Variants in GRXCR1 observed in about 807,000 individuals in gnomAD.
The protein encoded by GRXCR1 is glutaredoxin and cysteine rich domain containing 1.
A neutral mutation model predicts 27.3 loss-of-function variants in GRXCR1; 27 were observed. The observed-to-expected ratio is 0.99, with a 90% CI of 0.73 to 1.37. The LOEUF is 1.37. Ranked by LOEUF, GRXCR1 falls within the 40% of genes most tolerant of loss-of-function variation. The pLI is 0.00. For missense variants in GRXCR1, 379 were observed against 354.4 expected, an observed-to-expected ratio of 1.07 and a Z score of -0.56; for synonymous variants, 122 against 131.1, an observed-to-expected ratio of 0.93 and a Z score of 0.47.
At chr4:42,981,706 T>A (rs536007408) in intron 2 of GRXCR1, among the ~76,000 whole-genome samples, 92 of 152,172 alleles carry the variant, frequency 6.0e-4, no homozygotes, top group Non-Finnish European at 1.0e-3. Context: ...ATAGTATTCT[T>A]GGTTGACAGT....
At chr4:42,978,869 G>A (rs757750910) in intron 2 of GRXCR1, among the ~76,000 whole-genome samples, 2 of 151,974 alleles carry the variant, frequency 1.3e-5, no homozygotes, top group Non-Finnish European at 1.5e-5. Context: ...TTAATCATGG[G>A]GGCAGTTTCC....
intron 2 of GRXCR1, among the ~76,000 whole-genome samples, chr4:42,995,402 A>G (rs1712120809): frequency 6.6e-6 from 1 of 152,216 alleles, no homozygotes. Context: ...GCATTTGTAG[A>G]AATGATCCAT....
intron 2 of GRXCR1, among the ~76,000 whole-genome samples, chr4:42,966,277 G>A (rs1389056701): frequency 6.6e-6 from 1 of 151,998 alleles, no homozygotes; most frequent in Admixed American, 6.6e-5. Flanking sequence ...GACCAATCAT[G>A]AGCCTCCACA....
Position 42,899,640 on chromosome 4 carries a change from T to A in GRXCR1, c.384+5990T>A, listed in dbSNP as rs565329386. On this transcript the variant is annotated intron_variant, in intron 1 of 3. Transcript: ENST00000399770. ...CTCAAGGACAATAACTGAAGGCTCA[T>A]CTGTATAATGACTTTTATCTTGATC... Among the ~76,000 whole-genome samples, 35 of 152,292 alleles carry A rather than the reference T, an allele frequency of 2.3e-4. 1 individual carries two copies. In the South Asian group the frequency reaches 6.6e-3, roughly 29 times the overall value.
intron 1 of GRXCR1, among the ~76,000 whole-genome samples, chr4:42,912,507 T>G (rs1436680018): frequency 6.6e-6 from 1 of 152,182 alleles, no homozygotes; most frequent in Non-Finnish European, 1.5e-5. Flanking sequence ...GCACAGCTCA[T>G]GTGTACAGGA....
intron 2 of GRXCR1, among the ~76,000 whole-genome samples, chr4:43,003,038 CT>C (rs1352740992): frequency 4.6e-5 from 7 of 152,196 alleles, no homozygotes; most frequent in African/African-American, 1.4e-4. Context: ...AGCCCTTCCC[CT>C]GTCTCTCCTG....
chr4:42,947,965 G>A (rs577032570), intron 1 of GRXCR1, among the ~76,000 whole-genome samples: 1 of 152,192 alleles, frequency 6.6e-6, no homozygotes, highest in Admixed American at 6.5e-5. Context: ...CACAATTTAG[G>A]TGCTTTAATT....
chr4:43,020,970 C>G (rs758301836), intron 3 of GRXCR1, among the ~76,000 whole-genome samples: 2 of 152,122 alleles, frequency 1.3e-5, no homozygotes, highest in Non-Finnish European at 2.9e-5. Context: ...TTGTTTCTCC[C>G]TATTTGTAAG....
chr4:42,910,380 C>T (rs746241079), intron 1 of GRXCR1, among the ~76,000 whole-genome samples: 1 of 152,094 alleles, frequency 6.6e-6, no homozygotes, highest in Non-Finnish European at 1.5e-5. Context: ...TTTAGAATGA[C>T]TTTCAGAATC....
intron 2 of GRXCR1, among the ~76,000 whole-genome samples, chr4:42,999,464 G>T (rs1249825437): frequency 2.0e-5 from 3 of 152,166 alleles, no homozygotes; most frequent in Non-Finnish European, 2.9e-5. Context: ...TGCACATACT[G>T]TCACCTCATC....
rs573032486 is a variant in GRXCR1, at chr4:42,930,673, T to G, written c.385-32219T>G. 3.3e-5 allele frequency among the ~76,000 whole-genome samples: 5 copies of G among 152,130 alleles called. No homozygotes were observed. In the South Asian group the frequency reaches 1.0e-3, roughly 32 times the overall value. ...GTCATCAAGGTCTGGGTTAAAGTTT[T>G]AGTTCCTCTGTCTATTAGCCAACCA... On this transcript the variant is annotated intron_variant, in intron 1 of 3. Coordinates refer to ENST00000399770, the MANE Select transcript of GRXCR1 (RefSeq NM_001080476.3).
At chr4:42,957,024 C>T (rs1748020539) in intron 1 of GRXCR1, among the ~76,000 whole-genome samples, 1 of 152,044 alleles carries the variant, frequency 6.6e-6, no homozygotes, top group African/African-American at 2.4e-5. Context: ...CCATTTTTCC[C>T]TTCTTGTGTA....
chr4:42,984,840 A>G (rs541392038), intron 2 of GRXCR1, among the ~76,000 whole-genome samples: 1 of 152,280 alleles, frequency 6.6e-6, no homozygotes, highest in East Asian at 1.9e-4. Context: ...TCTGCCTCAT[A>G]GGCCAAACGC....
intron 2 of GRXCR1, among the ~76,000 whole-genome samples, chr4:43,005,887 A>G (rs1337010345): frequency 6.6e-6 from 1 of 152,230 alleles, no homozygotes; most frequent in African/African-American, 2.4e-5. Context: ...CACCAGTTAT[A>G]CAGTGTTGAA....
intron 1 of GRXCR1, among the ~76,000 whole-genome samples, chr4:42,923,842 C>T (rs752951121): frequency 1.6e-4 from 25 of 151,990 alleles, no homozygotes; most frequent in Non-Finnish European, 3.1e-4. Flanking sequence ...GCATAGCTTC[C>T]GGGGTGGTAC....
At position 42,896,770 on chromosome 4, in the gene GRXCR1, A is replaced by G. The variant is rs145630726; in HGVS notation, c.384+3120A>G. Among the ~76,000 whole-genome samples the G allele has an allele frequency of 3.2e-4, 49 of 152,292 alleles. No individual in the cohort carries two copies. The East Asian group carries it at 8.9e-3, about 28-fold the overall frequency. On this transcript the variant is annotated intron_variant, in intron 1 of 3. Transcript: ENST00000399770. ...GTAAATAAAAATATTAATGTTCCTTATCTCTTCAATATTTAATAAAGAAAA... is the reference window on the plus strand; with the variant it reads ...GTAAATAAAAATATTAATGTTCCTTGTCTCTTCAATATTTAATAAAGAAAA...
At chr4:42,913,830 T>A (rs1746821752) in intron 1 of GRXCR1, among the ~76,000 whole-genome samples, 1 of 152,136 alleles carries the variant, frequency 6.6e-6, no homozygotes, top group South Asian at 2.1e-4. Flanking sequence ...CCTCAGGACA[T>A]TGTGCCCTGC....
intron 2 of GRXCR1, among the ~76,000 whole-genome samples, chr4:43,003,683 G>T (rs758036819): frequency 3.3e-5 from 5 of 152,188 alleles, no homozygotes; most frequent in Non-Finnish European, 5.9e-5. Context: ...TTGAACTTCA[G>T]AAATATGATT....
chr4:42,964,807 T>C (rs1250015056), intron 2 of GRXCR1, among the ~76,000 whole-genome samples: 2 of 152,086 alleles, frequency 1.3e-5, no homozygotes, highest in East Asian at 3.9e-4. Context: ...TTATGCTATA[T>C]TGCCTCATCA....
Sources: allele counts gnomAD v4.1 joint callset (sites outside exome capture counted in the v4.1 genomes callset), GRCh38; gene constraint gnomAD v4.1.1; transcripts MANE v1.5; gene names NCBI Gene and HGNC (gene_info 2026-07-23, HGNC 2026-07-21).